Variants in FAM193A observed in about 807,000 individuals in gnomAD.
FAM193A encodes protein FAM193A.
Under a neutral mutation model 126.5 loss-of-function variants are expected in FAM193A, and 22 were observed. The observed-to-expected ratio is 0.17, with a 90% CI of 0.12 to 0.25. The LOEUF (loss-of-function observed/expected upper bound fraction) is 0.25, where lower values mean the gene tolerates loss of function less well. Among genes scored for constraint, FAM193A ranks in the 10% least tolerant of loss-of-function variants. The pLI is 1.00. For missense variants in FAM193A, 1,675 were observed against 1,672.8 expected (o/e 1.00, Z -0.02); for synonymous variants, 761 against 646.8 (o/e 1.18, Z -2.68).
At position 2,678,359 on chromosome 4, in the gene FAM193A, G is replaced by GTT. The variant is rs1553907903; in HGVS notation, c.2331+5987_2331+5988insTT. ...GTTGGTGTTTTGTTTTGGTTTTGGT[G>GTT]GTTTTTTTTTTTTTTTTTTTTGAGA... On this transcript the variant is annotated intron_variant, in intron 13 of 20. Transcript: ENST00000637812. 1.4e-4 allele frequency among the ~76,000 whole-genome samples: 20 copies of GTT among 141,698 alleles called. 1 individual carries two copies. The highest frequency in any genetic ancestry group is 2.1e-4 in the Non-Finnish European group (14 of 65,280). 93.0% of individuals were successfully genotyped at this position (141,698 alleles called of 152,430 possible).
chr4:2,728,661 T>C (rs1721025029), intron 20 of FAM193A, among the ~76,000 whole-genome samples: 1 of 152,138 alleles, frequency 6.6e-6, no homozygotes, highest in Non-Finnish European at 1.5e-5. Context: ...CTCATGCATG[T>C]CTGTGTGTGT....
intron 20 of FAM193A, among the ~76,000 whole-genome samples, chr4:2,731,127 C>A (rs764635201): frequency 4.4e-5 from 6 of 135,928 alleles, no homozygotes; most frequent in Non-Finnish European, 9.2e-5. Flanking sequence ...ACGTGGGAGG[C>A]GGAGGCTTCA....
chr4:2,719,498 A>T (rs1719882914), intron 20 of FAM193A, among the ~76,000 whole-genome samples: 1 of 152,084 alleles, frequency 6.6e-6, no homozygotes, highest in African/African-American at 2.4e-5. Context: ...GTAATCCCAG[A>T]ACTTTGGGAG....
At chr4:2,669,002 C>T (rs1713477726) in intron 12 of FAM193A, among the ~76,000 whole-genome samples, 2 of 151,966 alleles carry the variant, frequency 1.3e-5, no homozygotes, top group Non-Finnish European at 1.5e-5. Context: ...ACCATGGCAC[C>T]CGGCTAATTT....
Position 2,731,933 on chromosome 4 carries a change from C to G in FAM193A, c.*65C>G, listed in dbSNP as rs1423855042. The G allele has an allele frequency of 1.6e-6, 2 of 1,256,310 alleles. No individual in the cohort carries two copies. The highest frequency in any genetic ancestry group is 2.9e-5 in the African/African-American group (2 of 68,108). 77.8% of individuals were successfully genotyped at this position (1,256,310 alleles called of 1,614,324 possible). ...AGGCTGCACCACCCCAAGAGCCACG[C>G]CCCTCGCTGGCGCCCCAGAGCCGTG... On this transcript the variant is annotated 3_prime_UTR_variant, in exon 21 of 21. Transcript: ENST00000637812.
intron 7 of FAM193A, among the ~76,000 whole-genome samples, chr4:2,647,996 C>T (rs952790559): frequency 6.6e-6 from 1 of 152,188 alleles, no homozygotes; most frequent in Non-Finnish European, 1.5e-5. Flanking sequence ...TGCTTGCTCC[C>T]TCCGAGAATT....
rs558605023 is a variant in FAM193A at position 2,616,993 on chromosome 4, A to G, written c.502-8269A>G. Among the ~76,000 whole-genome samples, 4 of 144,634 alleles carry G rather than the reference A, an allele frequency of 2.8e-5. No homozygotes were observed. In the South Asian group the frequency reaches 6.5e-4, roughly 23 times the overall value. 94.9% of individuals were successfully genotyped at this position (144,634 alleles called of 152,430 possible). On this transcript the variant is annotated intron_variant, in intron 2 of 20. Coordinates refer to ENST00000637812, the MANE Select transcript of FAM193A (RefSeq NM_001366318.2). Reference sequence around the variant, plus strand: ...AGACCAGCTTGAGCAACACGAAGAAACCCCGTCTCTACTAAAATACAAACA... The same window carrying G: ...AGACCAGCTTGAGCAACACGAAGAAGCCCCGTCTCTACTAAAATACAAACA...
chr4:2,542,983 G>A (rs114439782), intron 1 of FAM193A, among the ~76,000 whole-genome samples: 2,631 of 152,236 alleles, frequency 0.017, 60 homozygotes, highest in Middle Eastern at 0.068. Context: ...TAGCTTATAG[G>A]GTCTTTGACT....
Position 2,689,684 on chromosome 4 carries a change from T to C in FAM193A, c.2510T>C (p.Phe837Ser), listed in dbSNP as rs199561633. Residue 837 changes from phenylalanine to serine, a missense_variant, in exon 14 of 21, where the codon TTC becomes TCC. By Grantham distance (155) the Phe-to-Ser change is radical. Transcript: ENST00000637812. ...MNDKNWNPGT[F>S]LPDTISGSEI... ...GATAAGAACTGGAATCCTGGCACTT[T>C]CTTGCCAGATACAATTTCTGGTAAG... The C allele has an allele frequency of 1.2e-4, 181 of 1,569,974 alleles. No individual in the cohort carries two copies. Among genetic ancestry groups the C allele is most frequent in the Non-Finnish European group, 1.5e-4 (170 of 1,165,746 alleles).
At chr4:2,655,649 G>A (rs1217309839) in intron 7 of FAM193A, among the ~76,000 whole-genome samples, 1 of 152,008 alleles carries the variant, frequency 6.6e-6, no homozygotes, top group Non-Finnish European at 1.5e-5. Context: ...GCTAAGTTTT[G>A]GCTTGGTGCA....
chr4:2,654,870 A>G (rs1560527225), intron 7 of FAM193A: 1 of 441,660 alleles, frequency 2.3e-6, no homozygotes, highest in Non-Finnish European at 4.1e-6. Flanking sequence ...TAAAGCATTC[A>G]TGCTGGAAAC....
At chr4:2,577,872 T>G (rs1334682062) in intron 1 of FAM193A, among the ~76,000 whole-genome samples, 1 of 152,198 alleles carries the variant, frequency 6.6e-6, no homozygotes, top group Non-Finnish European at 1.5e-5. Flanking sequence ...AAGTACAACA[T>G]TGGCCAGACA....
intron 3 of FAM193A, 53 bp downstream of exon 3, chr4:2,625,448 C>T: frequency 1.5e-6 from 1 of 660,062 alleles, no homozygotes. Flanking sequence ...GACATGCAGA[C>T]CTGCATATTG....
chr4:2,646,536 C>G lies in FAM193A; in HGVS notation c.1164-149C>G, dbSNP rs74617971. On this transcript the variant is annotated intron_variant, in intron 6 of 20. Transcript: ENST00000637812. ...ATGGGGATCTGTTGATCCCTCACAG[C>G]TCCCTGCTGTGGTGCAGAGTGGCAC... 6,900 of 757,178 alleles carry G rather than the reference C, an allele frequency of 9.1e-3. 134 individuals carry two copies. The highest frequency in any genetic ancestry group is 0.059 in the African/African-American group (3,317 of 55,810). 46.9% of individuals were successfully genotyped at this position (757,178 alleles called of 1,614,324 possible).
At chr4:2,607,942 G>A in intron 2 of FAM193A, 1 of 1,402,844 alleles carries the variant, frequency 7.1e-7, no homozygotes, top group East Asian at 2.4e-5. Context: ...TATGAACACA[G>A]ATTCTTTTCT....
At chr4:2,723,797 T>C (rs1720425886) in intron 20 of FAM193A, among the ~76,000 whole-genome samples, 1 of 86,398 alleles carries the variant, frequency 1.2e-5, no homozygotes, top group South Asian at 4.1e-4. Context: ...GTTTCTGGGT[T>C]TTTTGTTTGT....
chr4:2,647,999 C>T (rs764045586), intron 7 of FAM193A, among the ~76,000 whole-genome samples: 31 of 152,144 alleles, frequency 2.0e-4, no homozygotes, highest in African/African-American at 6.8e-4. Flanking sequence ...TTGCTCCCTC[C>T]GAGAATTGTG....
intron 2 of FAM193A, among the ~76,000 whole-genome samples, chr4:2,598,136 G>A (rs945090815): frequency 2.0e-5 from 3 of 152,040 alleles, no homozygotes; most frequent in African/African-American, 4.8e-5. Flanking sequence ...ATCGTGATCC[G>A]CCCGCCTCTG....
At chr4:2,620,565 GT>G (rs2108964235) in intron 2 of FAM193A, among the ~76,000 whole-genome samples, 1 of 151,350 alleles carries the variant, frequency 6.6e-6, no homozygotes, top group African/African-American at 2.5e-5. Flanking sequence ...TAATTAGCAA[GT>G]GGCAGGGTGT....
Sources: allele counts gnomAD v4.1 joint callset (sites outside exome capture counted in the v4.1 genomes callset), GRCh38; gene constraint gnomAD v4.1.1; transcripts MANE v1.5; gene names NCBI Gene and HGNC (gene_info 2026-07-23, HGNC 2026-07-21).